Variants in CD4 observed in about 807,000 individuals in gnomAD.
CD4 encodes T-cell surface glycoprotein CD4.
In CD4, 25 loss-of-function variants were observed where a neutral mutation model predicts 50.5. That is an observed-to-expected ratio of 0.49 (90% CI 0.36 to 0.69). The LOEUF (loss-of-function observed/expected upper bound fraction) is 0.69. CD4 is among the 30% of genes least tolerant of loss of function. CD4 has a pLI of 0.00. For missense variants in CD4, 456 were observed against 548.5 expected, an observed-to-expected ratio of 0.83 and a Z score of 1.68; for synonymous variants, 207 against 221.9, an observed-to-expected ratio of 0.93 and a Z score of 0.60.
chr12:6,814,617 T>G lies in CD4; in HGVS notation c.374-142T>G, dbSNP rs1341650052. The G allele has an allele frequency of 9.2e-6, 7 of 762,986 alleles. No individual in the cohort carries two copies. In the Admixed American group the frequency reaches 9.9e-5, roughly 11 times the overall value. 47.3% of individuals were successfully genotyped at this position (762,986 alleles called of 1,614,324 possible). On this transcript the variant is annotated intron_variant, in intron 4 of 9. Transcript: ENST00000011653. ...GAGGAGGGGAGAGGGAAACCCTATCTTGGCTGGGGGTGCGCAGCTGGGTGC... is the reference window on the plus strand; with the variant it reads ...GAGGAGGGGAGAGGGAAACCCTATCGTGGCTGGGGGTGCGCAGCTGGGTGC...
At chr12:6,797,882 C>T (rs1046824881) in intron 1 of CD4, among the ~76,000 whole-genome samples, 10 of 152,274 alleles carry the variant, frequency 6.6e-5, no homozygotes, top group Admixed American at 1.3e-4. Flanking sequence ...TTCCCAGGGA[C>T]GAGCAGGAGA....
chr12:6,809,915 AGT>A (rs1491488414), intron 3 of CD4, among the ~76,000 whole-genome samples: 1 of 103,738 alleles, frequency 9.6e-6, no homozygotes, highest in African/African-American at 4.5e-5. Context: ...TTTGAGATGG[AGT>A]CTCTCTCTCT....
chr12:6,793,703 TC>T (rs60995760), intron 1 of CD4, among the ~76,000 whole-genome samples: 886 of 36,534 alleles, frequency 0.024, 5 homozygotes, highest in East Asian at 0.091. Context: ...TATCTATCTA[TC>T]TTTTTTTTTT....
intron 9 of CD4, among the ~76,000 whole-genome samples, 163 bp downstream of exon 9, chr12:6,819,077 G>A (rs1565503609): frequency 6.6e-6 from 1 of 151,126 alleles, no homozygotes; most frequent in African/African-American, 2.4e-5. Context: ...GGAGATGGGG[G>A]CTAAAGGGGT....
At chr12:6,803,930 T>G (rs1216450360) in intron 3 of CD4, among the ~76,000 whole-genome samples, 1 of 151,496 alleles carries the variant, frequency 6.6e-6, no homozygotes, top group Non-Finnish European at 1.5e-5. Context: ...GCTAACACAG[T>G]GAAACCCTGC....
At position 6,818,274 on chromosome 12, in the gene CD4, G is replaced by T; in HGVS notation, c.1157-147G>T. On this transcript the variant is annotated intron_variant, in intron 7 of 9. Coordinates refer to ENST00000011653, the MANE Select transcript of CD4 (RefSeq NM_000616.5). This position sits in a 1 kb window ranked among gnomAD's most constrained non-coding sequence, Gnocchi z 5.0. ...ATAAAACCGATTCCCCAGCACTGGCGGCCTTTGAGAGCCCCCAGGCACCCC... is the reference window on the plus strand; with the variant it reads ...ATAAAACCGATTCCCCAGCACTGGCTGCCTTTGAGAGCCCCCAGGCACCCC... 1 of 880,750 alleles carries T rather than the reference G, an allele frequency of 1.1e-6. No individual in the cohort carries two copies. The highest frequency in any genetic ancestry group is 1.7e-6 in the Non-Finnish European group (1 of 571,916). The allele number at this position is 880,750 out of a possible 1,614,324, so 54.6% of individuals were successfully genotyped here.
intron 3 of CD4, among the ~76,000 whole-genome samples, chr12:6,807,092 G>A (rs960080114): frequency 3.9e-5 from 6 of 152,074 alleles, no homozygotes; most frequent in Admixed American, 6.6e-5. Context: ...GTGTGAACCC[G>A]GGAGGCGGAG....
At position 6,817,985 on chromosome 12, in the gene CD4, C is replaced by T. The variant is rs781854488; in HGVS notation, c.1157-436C>T. Among the ~76,000 whole-genome samples the T allele has an allele frequency of 1.2e-4, 19 of 152,154 alleles. No individual in the cohort carries two copies. In the East Asian group the frequency reaches 1.5e-3, roughly 12 times the overall value. ...CGCATTATTCACACATGTGCACACA[C>T]GCGCGCGCACATGCATGCAGTCACG... On this transcript the variant is annotated intron_variant, in intron 7 of 9. Transcript: ENST00000011653.
In CD4 at chr12:6,792,225, G is replaced by T. The variant is rs1942182575; in HGVS notation, c.-68+2563G>T. 1.3e-5 allele frequency among the ~76,000 whole-genome samples: 2 copies of T among 152,070 alleles called. No homozygotes were observed. Among genetic ancestry groups the T allele is most frequent in the Admixed American group, 6.6e-5 (1 of 15,264 alleles). On this transcript the variant is annotated intron_variant, in intron 1 of 9. Transcript: ENST00000011653. This position sits in a 1 kb window ranked among gnomAD's most constrained non-coding sequence, Gnocchi z 4.1. ...AGTGCCTGTGGGACCACAGACTCTC[G>T]CTGTGGTGGAGCTGGGCCCTCTTAC...
intron 1 of CD4, among the ~76,000 whole-genome samples, chr12:6,797,686 A>T (rs1311769389): frequency 2.0e-5 from 3 of 152,150 alleles, no homozygotes; most frequent in Non-Finnish European, 2.9e-5. Context: ...CTGTGTCATA[A>T]ATAAGTTTAA....
At chr12:6,797,303 C>G (rs1256889073) in intron 1 of CD4, among the ~76,000 whole-genome samples, 4 of 152,052 alleles carry the variant, frequency 2.6e-5, no homozygotes, top group Non-Finnish European at 5.9e-5. Flanking sequence ...CATCCAAACC[C>G]TGGACCAACG....
intron 4 of CD4, chr12:6,814,545 A>G (rs1943035075): frequency 1.5e-6 from 1 of 658,384 alleles, no homozygotes; most frequent in Non-Finnish European, 2.7e-6. Context: ...AAGGAGGGAG[A>G]GAGACTGGGG....
In CD4 at chr12:6,818,065, C is replaced by T. The variant is rs1342894056; in HGVS notation, c.1157-356C>T. ...ACATTCACACACATGCACACACGCA[C>T]ACACATTCACACATGGACTCACACG... On this transcript the variant is annotated intron_variant, in intron 7 of 9. Coordinates refer to ENST00000011653, the MANE Select transcript of CD4 (RefSeq NM_000616.5). The surrounding 1 kb of genome is among the most constrained non-coding windows in gnomAD (Gnocchi z 5.0). Among the ~76,000 whole-genome samples, 1 of 146,128 alleles carries T rather than the reference C, an allele frequency of 6.8e-6. No homozygotes were observed. Among genetic ancestry groups the T allele is most frequent in the Non-Finnish European group, 1.5e-5 (1 of 65,972 alleles).
intron 4 of CD4, 49 bp from the exon 5 acceptor site, chr12:6,814,710 C>T: frequency 7.4e-7 from 1 of 1,350,612 alleles, no homozygotes; most frequent in Non-Finnish European, 1.1e-6. Context: ...GTCTGCCCTT[C>T]TCCTTGGGGA....
At position 6,816,072 on chromosome 12, in the gene CD4, C is replaced by T. The variant is rs1943075961; in HGVS notation, c.624C>T (p.Ser208=). Residue 208 remains serine, a synonymous_variant, in exon 6 of 10, where the codon TCC becomes TCT. Coordinates refer to ENST00000011653, the MANE Select transcript of CD4 (RefSeq NM_000616.5). The surrounding 1 kb of genome is among the most constrained non-coding windows in gnomAD (Gnocchi z 4.9). ...DIVVLAFQKA[S]SIVYKKEGEQ... ...CACCTCCAGCTTTCCAGAAGGCCTCCAGCATAGTCTATAAGAAAGAGGGGG... is the reference window on the plus strand; with the variant it reads ...CACCTCCAGCTTTCCAGAAGGCCTCTAGCATAGTCTATAAGAAAGAGGGGG... 1 of 1,614,084 alleles carries T rather than the reference C, an allele frequency of 6.2e-7. No homozygotes were observed. The highest frequency in any genetic ancestry group is 1.1e-5 in the South Asian group (1 of 91,062).
At chr12:6,808,928 T>C (rs1325717188) in intron 3 of CD4, among the ~76,000 whole-genome samples, 1 of 152,216 alleles carries the variant, frequency 6.6e-6, no homozygotes, top group Non-Finnish European at 1.5e-5. Flanking sequence ...AAATATATCA[T>C]TGTTTTAATT....
chr12:6,802,688 T>A (rs1454205672), intron 3 of CD4, among the ~76,000 whole-genome samples: 2 of 152,184 alleles, frequency 1.3e-5, no homozygotes, highest in African/African-American at 4.8e-5. Flanking sequence ...TATACCTTTT[T>A]TCCTACTCCT....
At chr12:6,811,488 T>C (rs1391146429) in intron 3 of CD4, among the ~76,000 whole-genome samples, 2 of 138,386 alleles carry the variant, frequency 1.4e-5, no homozygotes, top group Non-Finnish European at 3.0e-5. Flanking sequence ...TTCTTTTCTT[T>C]TTCTTTTTTT....
At chr12:6,793,657 TATCTATCTA>T (rs1345291647) in intron 1 of CD4, among the ~76,000 whole-genome samples, 3 of 39,510 alleles carry the variant, frequency 7.6e-5, no homozygotes, top group Non-Finnish European at 1.2e-4. Context: ...ATCATCTATC[TATCTATCTA>T]TCTATCTATC....
Sources: allele counts gnomAD v4.1 joint callset (sites outside exome capture counted in the v4.1 genomes callset), GRCh38; gene constraint gnomAD v4.1.1; non-coding constraint Gnocchi (gnomAD v3.1); transcripts MANE v1.5; gene names NCBI Gene and HGNC (gene_info 2026-07-23, HGNC 2026-07-21).